The following GALNT13 variants were observed in gnomAD, a reference collection of about 807,000 sequenced individuals.
GALNT13 encodes UDP-GalNAc:polypeptide N-acetylgalactosaminyltransferase 13.
GALNT13 carries 28 observed loss-of-function variants against 64.2 expected under a neutral mutation model. The ratio of observed to expected loss-of-function variants is 0.44; its 90% CI spans 0.32 to 0.60. The LOEUF (loss-of-function observed/expected upper bound fraction) is 0.60. Ranked by LOEUF, GALNT13 falls within the 20% of genes least tolerant of loss-of-function variation. The pLI, the probability that GALNT13 is intolerant of heterozygous loss-of-function variation, is 0.05. For missense variants in GALNT13, 577 were observed against 669.8 expected (o/e 0.86, Z 1.53); for synonymous variants, 214 against 224.6 (o/e 0.95, Z 0.42).
At chr2:154,116,472 G>A (rs1681571278) in intron 3 of GALNT13, among the ~76,000 whole-genome samples, 1 of 152,174 alleles carries the variant, frequency 6.6e-6, no homozygotes. Flanking sequence ...GAGGCTTAGT[G>A]TCTGCTTCTG....
chr2:153,858,549 C>A, the GALNT13 span, among the ~76,000 whole-genome samples: 3 of 152,038 alleles, frequency 2.0e-5, no homozygotes, highest in Non-Finnish European at 4.4e-5. Flanking sequence ...TAAAATAAGA[C>A]CATTCTGAGA....
chr2:153,702,683 C>A, the GALNT13 span, among the ~76,000 whole-genome samples: 21 of 152,034 alleles, frequency 1.4e-4, no homozygotes, highest in East Asian at 9.7e-4. Flanking sequence ...TTGCTATTAG[C>A]TTGAAAACAC....
chr2:154,405,196 T>C (rs799757), intron 10 of GALNT13, among the ~76,000 whole-genome samples: 151,250 of 152,166 alleles, frequency 0.99, 75,175 homozygotes, highest in Middle Eastern at 1. Context: ...AACTGAAATG[T>C]GCAAGTATAA....
chr2:153,239,401 G>A, the GALNT13 span, among the ~76,000 whole-genome samples: 1 of 151,996 alleles, frequency 6.6e-6, no homozygotes, highest in East Asian at 1.9e-4. Flanking sequence ...ACTGAGCATT[G>A]TTTTCTTATT....
Position 154,453,159 on chromosome 2 carries a change from C to A in GALNT13, c.*2608C>A, listed in dbSNP as rs1466011875. 1 of 152,126 alleles carries A rather than the reference C, an allele frequency of 6.6e-6. No homozygotes were observed. Among genetic ancestry groups the A allele is most frequent in the Non-Finnish European group, 1.5e-5 (1 of 68,030 alleles). 9.4% of individuals were successfully genotyped at this position (152,126 alleles called of 1,614,324 possible). On this transcript the variant is annotated 3_prime_UTR_variant, in exon 13 of 13. Coordinates refer to ENST00000392825, the MANE Select transcript of GALNT13 (RefSeq NM_052917.4). ...CGCAATATGCTTATTATTTAGTTCCCTAATTTCCCAGTCCTTGTCTTGAAC... is the reference window on the plus strand; with the variant it reads ...CGCAATATGCTTATTATTTAGTTCCATAATTTCCCAGTCCTTGTCTTGAAC...
the GALNT13 span, among the ~76,000 whole-genome samples, chr2:153,436,336 G>C: frequency 6.6e-6 from 1 of 152,164 alleles, no homozygotes; most frequent in East Asian, 1.9e-4. Flanking sequence ...GATGATGCTG[G>C]CCTCATAAAA....
At chr2:153,786,973 G>A in the GALNT13 span, among the ~76,000 whole-genome samples, 1 of 152,110 alleles carries the variant, frequency 6.6e-6, no homozygotes, top group South Asian at 2.1e-4. Flanking sequence ...CCCATCTTGG[G>A]CTAATCACGC....
chr2:153,208,812 G>T, the GALNT13 span, among the ~76,000 whole-genome samples: 1 of 151,752 alleles, frequency 6.6e-6, no homozygotes, highest in Non-Finnish European at 1.5e-5. Context: ...ACCAACATTT[G>T]GTATTATCAG....
intron 9 of GALNT13, among the ~76,000 whole-genome samples, chr2:154,373,613 A>C (rs1434004080): frequency 1.3e-5 from 2 of 152,296 alleles, no homozygotes; most frequent in East Asian, 3.9e-4. Flanking sequence ...TCTTGTATAA[A>C]AATCAGACCT....
the GALNT13 span, among the ~76,000 whole-genome samples, chr2:153,595,622 G>T: frequency 1.5e-4 from 23 of 151,774 alleles, no homozygotes; most frequent in Non-Finnish European, 2.2e-4. Context: ...GATATAAAAA[G>T]ATTCATCAGA....
At chr2:154,037,427 A>G (rs986440439) in intron 3 of GALNT13, among the ~76,000 whole-genome samples, 1 of 152,182 alleles carries the variant, frequency 6.6e-6, no homozygotes, top group Non-Finnish European at 1.5e-5. Context: ...AGTTGAAAGC[A>G]TTCCCTCTAA....
chr2:153,969,344 A>T (rs1693593071), intron 3 of GALNT13, among the ~76,000 whole-genome samples: 1 of 152,054 alleles, frequency 6.6e-6, no homozygotes, highest in Non-Finnish European at 1.5e-5. Flanking sequence ...AAATTTTTTT[A>T]AATTAAAAAT....
At chr2:153,097,971 C>T in the GALNT13 span, among the ~76,000 whole-genome samples, 1 of 152,108 alleles carries the variant, frequency 6.6e-6, no homozygotes, top group Non-Finnish European at 1.5e-5. Flanking sequence ...GAGGCTGAGG[C>T]AAGGGAATCG....
At chr2:154,166,155 A>G (rs941532181) in intron 4 of GALNT13, among the ~76,000 whole-genome samples, 1 of 152,212 alleles carries the variant, frequency 6.6e-6, no homozygotes. Flanking sequence ...CTGTAATCTT[A>G]GCACTTTGGG....
chr2:153,184,288 A>G, the GALNT13 span, among the ~76,000 whole-genome samples: 1 of 152,194 alleles, frequency 6.6e-6, no homozygotes, highest in Non-Finnish European at 1.5e-5. Flanking sequence ...TTGTTGGTGT[A>G]TAGGAAAGCT....
At chr2:153,652,395 A>T in the GALNT13 span, among the ~76,000 whole-genome samples, 1 of 152,056 alleles carries the variant, frequency 6.6e-6, no homozygotes, top group African/African-American at 2.4e-5. Context: ...CTGAGGCGGG[A>T]GGATCACCTG....
At chr2:153,753,480 T>C in the GALNT13 span, among the ~76,000 whole-genome samples, 3 of 152,200 alleles carry the variant, frequency 2.0e-5, no homozygotes, top group African/African-American at 4.8e-5. Context: ...AACACTGTGA[T>C]TCTTGTAGAT....
chr2:153,331,239 T>TC, the GALNT13 span, among the ~76,000 whole-genome samples: 1 of 150,896 alleles, frequency 6.6e-6, no homozygotes, highest in Non-Finnish European at 1.5e-5. Context: ...TTTTTTTTTT[T>TC]CATCATGTCT....
chr2:153,240,612 C>A, the GALNT13 span, among the ~76,000 whole-genome samples: 4 of 152,072 alleles, frequency 2.6e-5, no homozygotes, highest in African/African-American at 9.7e-5. Flanking sequence ...AGAAATAGAC[C>A]TGGGGAGACA....
Sources: gnomAD v4.1 joint callset for allele counts (sites outside exome capture counted in the v4.1 genomes callset) on GRCh38, gnomAD v4.1.1 for gene constraint, MANE v1.5 for transcripts, NCBI Gene and HGNC (gene_info 2026-07-23, HGNC 2026-07-21) for gene names.